The following GIN1 variants were observed in gnomAD, a reference collection of about 807,000 sequenced individuals.
GIN1 encodes gypsy retrotransposon integrase 1, also known as gypsy retrotransposon integrase-like protein 1.
In GIN1, 41 loss-of-function variants were observed where a neutral mutation model predicts 51.4. The observed-to-expected ratio is 0.80, with a 90% CI of 0.62 to 1.04. The LOEUF is 1.04. Ranked by LOEUF, GIN1 falls within the 50% of genes least tolerant of loss-of-function variation. GIN1 has a pLI of 0.00. For synonymous variants in GIN1, 222 were observed against 206.5 expected (o/e 1.07, Z -0.64); for missense variants, 610 against 612.4 (o/e 1.00, Z 0.04).
At chr5:103,098,224 T>C (rs1209649102) in intron 4 of GIN1, among the ~76,000 whole-genome samples, 2 of 152,158 alleles carry the variant, frequency 1.3e-5, no homozygotes, top group African/African-American at 2.4e-5. Flanking sequence ...TATGAACACA[T>C]ACATAAAATA....
chr5:103,093,456 C>CGGA (rs1787310367), intron 7 of GIN1, among the ~76,000 whole-genome samples: 2 of 152,178 alleles, frequency 1.3e-5, no homozygotes, highest in South Asian at 4.1e-4. Context: ...TTTTCTAGAG[C>CGGA]TTCCAGACAG....
intron 6 of GIN1, 129 bp downstream of exon 6, chr5:103,097,185 T>C: frequency 3.1e-6 from 2 of 641,484 alleles, no homozygotes; most frequent in East Asian, 2.9e-5. Flanking sequence ...AAAAATCTGA[T>C]AGATAAAAAA....
intron 4 of GIN1, among the ~76,000 whole-genome samples, chr5:103,100,882 T>C (rs1166335838): frequency 5.3e-5 from 8 of 152,192 alleles, no homozygotes; most frequent in Admixed American, 2.6e-4. Context: ...TTTCAAAGAG[T>C]ATTCTTGATA....
intron 7 of GIN1, among the ~76,000 whole-genome samples, chr5:103,091,320 A>G (rs1470077446): frequency 6.6e-6 from 1 of 152,172 alleles, no homozygotes; most frequent in Non-Finnish European, 1.5e-5. Context: ...TTTAAATTAC[A>G]TAGCTCTTGT....
chr5:103,119,316 T>C lies in GIN1; in HGVS notation c.-8+748A>G, dbSNP rs190281994. On this transcript the variant is annotated intron_variant, in intron 1 of 7. Coordinates refer to ENST00000399004, the MANE Select transcript of GIN1 (RefSeq NM_017676.2). ...GAATTCTGACATTTGAATTATTCTA[T>C]TTTAAGCTCCAAAAAATGGACACGC... Among the ~76,000 whole-genome samples, 199 of 152,346 alleles carry C rather than the reference T, an allele frequency of 1.3e-3. 1 individual carries two copies. The highest frequency in any genetic ancestry group is 4.6e-3 in the African/African-American group (191 of 41,580).
At chr5:103,118,047 T>G (rs782097503) in intron 1 of GIN1, among the ~76,000 whole-genome samples, 1 of 152,182 alleles carries the variant, frequency 6.6e-6, no homozygotes, top group Non-Finnish European at 1.5e-5. Flanking sequence ...TATTAATTTT[T>G]TATGTTTACA....
intron 4 of GIN1, among the ~76,000 whole-genome samples, chr5:103,102,034 A>T (rs1027018970): frequency 1.3e-5 from 2 of 152,132 alleles, no homozygotes; most frequent in Non-Finnish European, 2.9e-5. Context: ...TAAATCTCCT[A>T]TTATTATGCA....
intron 4 of GIN1, among the ~76,000 whole-genome samples, chr5:103,104,036 C>G (rs1005459035): frequency 3.3e-5 from 5 of 152,148 alleles, no homozygotes; most frequent in African/African-American, 1.2e-4. Context: ...TCACTGCAAC[C>G]TCTACCTCCC....
At chr5:103,114,147 CAG>C (rs1269099018) in intron 1 of GIN1, among the ~76,000 whole-genome samples, 6 of 152,140 alleles carry the variant, frequency 3.9e-5, no homozygotes, top group Admixed American at 1.3e-4. Context: ...TAATTTCCTG[CAG>C]AGTGTCTTCT....
intron 7 of GIN1, 132 bp downstream of exon 7, chr5:103,096,409 G>T: frequency 1.4e-6 from 1 of 707,034 alleles, no homozygotes; most frequent in Non-Finnish European, 2.4e-6. Flanking sequence ...ACCTGGGATA[G>T]CTAAAACTGT....
intron 2 of GIN1, 87 bp downstream of exon 2, chr5:103,108,482 C>T: frequency 1.1e-6 from 1 of 876,186 alleles, no homozygotes; most frequent in Non-Finnish European, 1.8e-6. Context: ...CAACAACCAA[C>T]TACTACAGAA....
In GIN1 at chr5:103,087,982, T is replaced by G; in HGVS notation, c.1485A>C (p.Pro495=). 6.3e-7 allele frequency: 1 copy of G among 1,597,728 alleles called. No homozygotes were observed. Among genetic ancestry groups the G allele is most frequent in the African/African-American group, 1.3e-5 (1 of 74,702 alleles). Residue 495 remains proline, a synonymous_variant, in exon 8 of 8, where the codon CCA becomes CCC. Transcript: ENST00000399004. ...CAAGAGAACTATGATCGTCTATCAA[T>G]GGAGAGATTTTCGTATTTCTATATT... ...LLEYRNTKIS[P]LIDDHSSLEK... is the part of the protein sequence containing the mutation.
At chr5:103,106,960 T>C in intron 2 of GIN1, 51 bp from the exon 3 acceptor site, 1 of 987,734 alleles carries the variant, frequency 1.0e-6, no homozygotes, top group South Asian at 1.7e-5. Context: ...GAGATCTACG[T>C]AGTTTTAAGA....
intron 1 of GIN1, among the ~76,000 whole-genome samples, chr5:103,119,104 G>T (rs1035807142): frequency 6.6e-6 from 1 of 152,114 alleles, no homozygotes; most frequent in Non-Finnish European, 1.5e-5. Flanking sequence ...TCAACTCATT[G>T]CTTAATTCCT....
intron 4 of GIN1, chr5:103,102,513 A>C (rs1787602477): frequency 6.6e-6 from 1 of 152,250 alleles, no homozygotes; most frequent in Non-Finnish European, 1.5e-5. Context: ...ATCAGTGTGA[A>C]ACAGGAAATG....
intron 1 of GIN1, among the ~76,000 whole-genome samples, chr5:103,113,462 C>T (rs1413814898): frequency 6.6e-6 from 1 of 151,572 alleles, no homozygotes; most frequent in Non-Finnish European, 1.5e-5. Flanking sequence ...AATACAGGCA[C>T]TAATCCCATT....
At position 103,087,869 on chromosome 5, in the gene GIN1, C is replaced by T. The variant is rs782310658; in HGVS notation, c.*29G>A. 2.1e-6 allele frequency: 2 copies of T among 945,740 alleles called. No individual in the cohort carries two copies. The highest frequency in any genetic ancestry group is 3.1e-6 in the Non-Finnish European group (2 of 642,254). 58.6% of individuals were successfully genotyped at this position (945,740 alleles called of 1,614,324 possible). On this transcript the variant is annotated 3_prime_UTR_variant, in exon 8 of 8. Transcript: ENST00000399004. ...TATCATTAAGAATTTATATTCTAAACAAACAATTTAAATAAATTTTGGTAT... is the reference window on the plus strand; with the variant it reads ...TATCATTAAGAATTTATATTCTAAATAAACAATTTAAATAAATTTTGGTAT...
At chr5:103,110,410 C>G (rs1697468889) in intron 1 of GIN1, among the ~76,000 whole-genome samples, 1 of 151,898 alleles carries the variant, frequency 6.6e-6, no homozygotes, top group Non-Finnish European at 1.5e-5. Context: ...GGACAAAAAC[C>G]CAATTCAAAA....
chr5:103,119,717 G>A (rs1788320371), intron 1 of GIN1, among the ~76,000 whole-genome samples: 1 of 152,180 alleles, frequency 6.6e-6, no homozygotes, highest in African/African-American at 2.4e-5. Context: ...CAAACGCTGT[G>A]AGGGAGCATT....
Sources: gnomAD v4.1 joint callset for allele counts (sites outside exome capture counted in the v4.1 genomes callset) on GRCh38, gnomAD v4.1.1 for gene constraint, MANE v1.5 for transcripts, NCBI Gene and HGNC (gene_info 2026-07-23, HGNC 2026-07-21) for gene names.